Variants in AK6 observed in about 807,000 individuals in gnomAD.
AK6 encodes the protein adenylate kinase isoenzyme 6.
AK6 carries 24 observed loss-of-function variants against 23.7 expected under a neutral mutation model. That is an observed-to-expected ratio of 1.01 (90% CI 0.73 to 1.43). The LOEUF (loss-of-function observed/expected upper bound fraction) is 1.43, where lower values mean the gene tolerates loss of function less well. Among genes scored for constraint, AK6 ranks in the 40% most tolerant of loss-of-function variants. The pLI, the probability that AK6 is intolerant of heterozygous loss-of-function variation, is 0.00. For synonymous variants in AK6, 73 were observed against 69.8 expected (o/e 1.05, Z -0.23); for missense variants, 191 against 199.1 (o/e 0.96, Z 0.24).
At chr5:69,364,745 G>C (rs911509755) in intron 2 of AK6, 1 of 661,776 alleles carries the variant, frequency 1.5e-6, no homozygotes, top group Non-Finnish European at 2.6e-6. Context: ...ACCAACAATC[G>C]AATGAATGAC....
rs369936716 is a variant in AK6, at chr5:69,361,401, G to A, written c.121+5102C>T. On this transcript the variant is annotated intron_variant, in intron 2 of 4. Transcript: ENST00000380822. Reference sequence around the variant, plus strand: ...TCCCCACAGTGCTGGGATTACAGGCGTGAGCCACCGCGCCCGGCCCACAGT... The same window carrying A: ...TCCCCACAGTGCTGGGATTACAGGCATGAGCCACCGCGCCCGGCCCACAGT... Among the ~76,000 whole-genome samples, 4 of 151,242 alleles carry A rather than the reference G, an allele frequency of 2.6e-5. 1 individual carries two copies. Among genetic ancestry groups the A allele is most frequent in the Admixed American group, 1.3e-4 (2 of 15,188 alleles).
At chr5:69,358,390 G>A (rs1271360729) in intron 2 of AK6, among the ~76,000 whole-genome samples, 3 of 151,840 alleles carry the variant, frequency 2.0e-5, no homozygotes, top group South Asian at 2.1e-4. Context: ...GCGTGGTGGC[G>A]GGTGCCTGTA....
chr5:69,369,456 C>T lies in AK6; in HGVS notation c.28+7G>A, dbSNP rs781481842. 21 of 1,610,506 alleles carry T rather than the reference C, an allele frequency of 1.3e-5. No homozygotes were observed. Among genetic ancestry groups the T allele is most frequent in the Non-Finnish European group, 1.6e-5 (19 of 1,179,096 alleles). Reference sequence around the variant, plus strand: ...CAGCCCAGTCCCTCCCGGCCGCGCGCCCTGACCGGTGAGCAGGATGTTCGG... The same window carrying T: ...CAGCCCAGTCCCTCCCGGCCGCGCGTCCTGACCGGTGAGCAGGATGTTCGG... On this transcript the variant is annotated splice_region_variant and intron_variant, in intron 1 of 4. Transcript: ENST00000380822.
At position 69,366,625 on chromosome 5, in the gene AK6, T is replaced by G. The variant is rs368718033; in HGVS notation, c.29-30A>C. Reference sequence around the variant, plus strand: ...AAGACAAGCCACAGAAAAATACTGTTTGTGAAATACTACTTATCACACTGC... The same window carrying G: ...AAGACAAGCCACAGAAAAATACTGTGTGTGAAATACTACTTATCACACTGC... On this transcript the variant is annotated intron_variant, in intron 1 of 4. Transcript: ENST00000380822. 71 of 1,502,254 alleles carry G rather than the reference T, an allele frequency of 4.7e-5. 1 individual carries two copies. Among genetic ancestry groups the G allele is most frequent in the Non-Finnish European group, 6.0e-5 (65 of 1,079,298 alleles). The allele number at this position is 1,502,254 out of a possible 1,614,324, so 93.1% of individuals were successfully genotyped here. A position where few individuals can be genotyped will look rare whatever the true frequency, so the allele number is the denominator to read the frequency against.
chr5:69,356,489 A>G (rs1762088229), intron 2 of AK6, among the ~76,000 whole-genome samples: 3 of 151,742 alleles, frequency 2.0e-5, no homozygotes, highest in South Asian at 2.1e-4. Flanking sequence ...TTCTACAGAA[A>G]AAAAAAAAAA....
At chr5:69,363,010 A>T (rs562966452) in intron 2 of AK6, among the ~76,000 whole-genome samples, 29 of 152,248 alleles carry the variant, frequency 1.9e-4, no homozygotes, top group South Asian at 1.0e-3. Flanking sequence ...CAGAAGGATC[A>T]TTTGAGCCCA....
chr5:69,363,717 G>C (rs1355021033), intron 2 of AK6, among the ~76,000 whole-genome samples: 1 of 151,962 alleles, frequency 6.6e-6, no homozygotes, highest in African/African-American at 2.4e-5. Context: ...CTGGGAGGCA[G>C]AGCTTGCAGT....
intron 2 of AK6, among the ~76,000 whole-genome samples, chr5:69,362,757 A>G (rs1762274889): frequency 1.3e-5 from 2 of 152,016 alleles, no homozygotes; most frequent in Non-Finnish European, 2.9e-5. Flanking sequence ...AAACAAACAA[A>G]CAAAAAAACC....
intron 2 of AK6, among the ~76,000 whole-genome samples, chr5:69,361,925 G>C (rs901612908): frequency 2.0e-5 from 3 of 150,682 alleles, no homozygotes; most frequent in African/African-American, 7.3e-5. Flanking sequence ...GGAATTTACA[G>C]GCATGAGCCA....
chr5:69,365,584 C>T, intron 2 of AK6: 1 of 1,614,092 alleles, frequency 6.2e-7, no homozygotes, highest in Non-Finnish European at 8.5e-7. Flanking sequence ...TTTGCATCAT[C>T]TAGAATTGTG....
At chr5:69,358,517 CAAAAAA>C (rs5868577) in intron 2 of AK6, among the ~76,000 whole-genome samples, 2 of 54,172 alleles carry the variant, frequency 3.7e-5, no homozygotes, top group Admixed American at 2.5e-4. Flanking sequence ...GACTCTGTCT[CAAAAAA>C]AAAAAAAAAA....
intron 4 of AK6, among the ~76,000 whole-genome samples, chr5:69,352,632 A>G (rs978463784): frequency 2.6e-5 from 4 of 152,252 alleles, no homozygotes; most frequent in African/African-American, 9.6e-5. Flanking sequence ...ACAACTGTCT[A>G]ATAAGGACAT....
In AK6 at chr5:69,355,668, A is replaced by T; in HGVS notation, c.307T>A (p.Tyr103Asn). ...FVLRTDTNVL[Y>N]ERLETRGYNE... ...TCTTACCTTGTTTCAAGTCTTTCGT[A>T]CAATACATTGGTATCTGTTCTCAGC... The change falls in exon 4 of 5, where the codon TAC (tyrosine) becomes AAC (asparagine). Residue 103 changes from tyrosine to asparagine, a missense_variant. Tyr to Asn is a moderately radical substitution (Grantham distance 143). Coordinates refer to ENST00000380822, the MANE Select transcript of AK6 (RefSeq NM_016283.5). 1 of 1,609,386 alleles carries T rather than the reference A, an allele frequency of 6.2e-7. No homozygotes were observed. The highest frequency in any genetic ancestry group is 8.5e-7 in the Non-Finnish European group (1 of 1,178,978).
At chr5:69,353,518 G>A (rs541345376) in intron 4 of AK6, among the ~76,000 whole-genome samples, 2 of 151,902 alleles carry the variant, frequency 1.3e-5, no homozygotes, top group South Asian at 2.1e-4. Context: ...GGCTGGTCTC[G>A]AACTCCTGAC....
At chr5:69,369,809 C>T (rs1429507341), upstream of AK6, 9 of 1,183,642 alleles carry the variant, frequency 7.6e-6, no homozygotes, top group South Asian at 4.3e-5. Flanking sequence ...GGAAGGTCCC[C>T]GGGAGGCCGT....
chr5:69,365,306 T>C (rs1466757580), intron 2 of AK6: 1 of 1,614,228 alleles, frequency 6.2e-7, no homozygotes, highest in Non-Finnish European at 8.5e-7. Context: ...ACCGCGGGAC[T>C]GTTATTCTTC....
chr5:69,369,147 A>G (rs1029559274), intron 1 of AK6: 3 of 464,062 alleles, frequency 6.5e-6, no homozygotes, highest in Non-Finnish European at 7.5e-6. Context: ...TCAACAACCC[A>G]TTTTACAAAC....
chr5:69,365,863 A>C, intron 2 of AK6: 1 of 729,044 alleles, frequency 1.4e-6, no homozygotes, highest in Non-Finnish European at 2.0e-6. Flanking sequence ...AAACTGTAAA[A>C]AAATTTTTAA....
intron 2 of AK6, among the ~76,000 whole-genome samples, chr5:69,359,718 C>T (rs918206407): frequency 1.3e-4 from 20 of 152,092 alleles, no homozygotes; most frequent in Non-Finnish European, 2.6e-4. Flanking sequence ...ACACTGCTGC[C>T]AATACTTAAA....
Sources: gnomAD v4.1 joint callset for allele counts (sites outside exome capture counted in the v4.1 genomes callset) on GRCh38, gnomAD v4.1.1 for gene constraint, MANE v1.5 for transcripts, NCBI Gene and HGNC (gene_info 2026-07-23, HGNC 2026-07-21) for gene names.